EPHA5: variants seen among roughly 807,000 people sequenced by gnomAD.
The protein encoded by EPHA5 is ephrin type-A receptor 5.
Under a neutral mutation model 105.0 loss-of-function variants are expected in EPHA5, and 60 were observed. That is an observed-to-expected ratio of 0.57 (90% CI 0.46 to 0.71). The LOEUF (loss-of-function observed/expected upper bound fraction) is 0.71, where lower values mean the gene tolerates loss of function less well. Ranked by LOEUF, EPHA5 falls within the 30% of genes least tolerant of loss-of-function variation. The probability of loss-of-function intolerance (pLI) is 0.00; values close to 1 mark genes in which losing one functional copy is unlikely to be tolerated. For synonymous variants in EPHA5, 513 were observed against 449.1 expected (o/e 1.14, Z -1.80); for missense variants, 1,218 against 1,274.7 (o/e 0.96, Z 0.68).
At chr4:65,454,317 A>C (rs1485382712) in intron 5 of EPHA5, among the ~76,000 whole-genome samples, 1 of 151,848 alleles carries the variant, frequency 6.6e-6, no homozygotes, top group Non-Finnish European at 1.5e-5. Flanking sequence ...AATAATATGA[A>C]CAGTGTTGGT....
chr4:65,351,291 CTT>C, intron 13 of EPHA5, 96 bp downstream of exon 13: 1 of 1,109,332 alleles, frequency 9.0e-7, no homozygotes, highest in Non-Finnish European at 1.3e-6. Flanking sequence ...TTCTTTTTGA[CTT>C]TGTTGCAGGA....
chr4:65,474,653 C>T (rs572918902), intron 5 of EPHA5, among the ~76,000 whole-genome samples: 59 of 152,244 alleles, frequency 3.9e-4, no homozygotes, highest in African/African-American at 1.4e-3. Context: ...AAGCTAGATG[C>T]TTGTTCTGAT....
intron 11 of EPHA5, among the ~76,000 whole-genome samples, chr4:65,362,151 G>T (rs1190866881): frequency 6.6e-6 from 1 of 151,468 alleles, no homozygotes; most frequent in African/African-American, 2.4e-5. Flanking sequence ...ATCACAGAAG[G>T]AATTTGAATG....
chr4:65,492,216 T>A (rs1420927024), intron 4 of EPHA5, among the ~76,000 whole-genome samples: 1 of 152,108 alleles, frequency 6.6e-6, no homozygotes, highest in Non-Finnish European at 1.5e-5. Context: ...TATCTATTTA[T>A]TTAGGGACAG....
intron 5 of EPHA5, among the ~76,000 whole-genome samples, chr4:65,434,481 T>G (rs1202914024): frequency 6.6e-6 from 1 of 152,186 alleles, no homozygotes; most frequent in Non-Finnish European, 1.5e-5. Context: ...TCTATAAAAT[T>G]ATATTTTAGG....
chr4:65,372,283 A>C (rs1327818222), intron 8 of EPHA5, among the ~76,000 whole-genome samples: 1 of 151,980 alleles, frequency 6.6e-6, no homozygotes, highest in Non-Finnish European at 1.5e-5. Context: ...ACAAAAGCTC[A>C]GCTAACTTAT....
intron 8 of EPHA5, among the ~76,000 whole-genome samples, chr4:65,398,624 T>C (rs1721497050): frequency 2.6e-5 from 4 of 152,150 alleles, no homozygotes; most frequent in Admixed American, 2.6e-4. Context: ...ACACACACTT[T>C]CTTCCTTTGG....
chr4:65,462,871 A>C (rs575748143), intron 5 of EPHA5, among the ~76,000 whole-genome samples: 5 of 152,236 alleles, frequency 3.3e-5, no homozygotes, highest in Admixed American at 6.5e-5. Flanking sequence ...ATACCCTACT[A>C]TATGCATTAT....
Position 65,495,535 on chromosome 4 carries a change from G to T in EPHA5, c.919C>A (p.Pro307Thr). Reference sequence around the variant, plus strand: ...TGAGGTGAGGCTTTGAAGAACCCAGGTCTGCACACTGTCAAAAGAAATAAG... The same window carrying T: ...TGAGGTGAGGCTTTGAAGAACCCAGTTCTGCACACTGTCAAAAGAAATAAG... ...EKNGTCQVCR[P>T]GFFKASPHIQ... The change falls in exon 4 of 17, where the codon CCT becomes ACT. Residue 307 changes from proline to threonine, a missense_variant. Physicochemically the swap from Pro to Thr is conservative, Grantham distance 38. Coordinates refer to ENST00000613740, the MANE Select transcript of EPHA5 (RefSeq NM_001281766.3). The T allele has an allele frequency of 6.2e-7, 1 of 1,610,992 alleles. No individual in the cohort carries two copies. The highest frequency in any genetic ancestry group is 8.5e-7 in the Non-Finnish European group (1 of 1,178,872).
chr4:65,620,456 T>C (rs1210962233), intron 2 of EPHA5, among the ~76,000 whole-genome samples: 1 of 152,122 alleles, frequency 6.6e-6, no homozygotes, highest in Non-Finnish European at 1.5e-5. Flanking sequence ...TTAAGATATT[T>C]GAACTGTGGC....
At chr4:65,453,599 AG>A (rs1727274370) in intron 5 of EPHA5, among the ~76,000 whole-genome samples, 1 of 152,164 alleles carries the variant, frequency 6.6e-6, no homozygotes, top group African/African-American at 2.4e-5. Flanking sequence ...ATGACCTTCT[AG>A]GGACATTCAG....
At chr4:65,446,175 G>A (rs1219237388) in intron 5 of EPHA5, among the ~76,000 whole-genome samples, 2 of 152,060 alleles carry the variant, frequency 1.3e-5, no homozygotes, top group Non-Finnish European at 2.9e-5. Flanking sequence ...AATAACTACA[G>A]ATGTCTGCTT....
chr4:65,573,715 A>T, intron 3 of EPHA5: 1 of 1,598,858 alleles, frequency 6.3e-7, no homozygotes, highest in Non-Finnish European at 8.5e-7. Flanking sequence ...AAAAAGAAGG[A>T]GAAGGTTCTT....
At chr4:65,610,909 A>G (rs1320182165) in intron 2 of EPHA5, among the ~76,000 whole-genome samples, 4 of 152,134 alleles carry the variant, frequency 2.6e-5, no homozygotes, top group Non-Finnish European at 4.4e-5. Context: ...GCCTCCCACT[A>G]TGTATTTTTC....
At chr4:65,415,867 T>C (rs1477356833) in intron 6 of EPHA5, among the ~76,000 whole-genome samples, 1 of 152,052 alleles carries the variant, frequency 6.6e-6, no homozygotes. Flanking sequence ...AATAATTTCT[T>C]AATGTGTTCC....
chr4:65,416,317 A>G (rs574346588), intron 6 of EPHA5, among the ~76,000 whole-genome samples: 6 of 152,182 alleles, frequency 3.9e-5, no homozygotes, highest in African/African-American at 1.4e-4. Context: ...ACAACTCTGA[A>G]CCTCAGTTTT....
intron 15 of EPHA5, among the ~76,000 whole-genome samples, chr4:65,333,141 A>C (rs1348391350): frequency 6.6e-6 from 1 of 151,848 alleles, no homozygotes; most frequent in African/African-American, 2.4e-5. Context: ...TAATCAGAAA[A>C]AAATGGCAAA....
At chr4:65,534,426 A>T (rs1736104888) in intron 3 of EPHA5, among the ~76,000 whole-genome samples, 1 of 152,198 alleles carries the variant, frequency 6.6e-6, no homozygotes, top group South Asian at 2.1e-4. Flanking sequence ...CTTTCTATTG[A>T]ATCTGCAATA....
chr4:65,633,808 G>A (rs567728085), intron 2 of EPHA5, among the ~76,000 whole-genome samples: 4 of 152,060 alleles, frequency 2.6e-5, no homozygotes, highest in African/African-American at 4.8e-5. Context: ...TAAATGCCCC[G>A]AAACTCTTTG....
Sources: allele counts gnomAD v4.1 joint callset (sites outside exome capture counted in the v4.1 genomes callset), GRCh38; gene constraint gnomAD v4.1.1; transcripts MANE v1.5; gene names NCBI Gene and HGNC (gene_info 2026-07-23, HGNC 2026-07-21).